Variants in AP4S1 observed in about 807,000 individuals in gnomAD.
The protein encoded by AP4S1 is adaptor related protein complex 4 subunit sigma 1, also known as AP-4 complex subunit sigma-1.
Under a neutral mutation model 19.8 loss-of-function variants are expected in AP4S1, and 23 were observed. That is an observed-to-expected ratio of 1.16 (90% CI 0.84 to 1.65). AP4S1 has a LOEUF of 1.65. Ranked by LOEUF, AP4S1 falls within the 40% of genes most tolerant of loss-of-function variation. AP4S1 has a pLI of 0.00. For missense variants in AP4S1, 166 were observed against 172.8 expected, an observed-to-expected ratio of 0.96 and a Z score of 0.22; for synonymous variants, 46 against 54.1, an observed-to-expected ratio of 0.85 and a Z score of 0.66.
intron 4 of AP4S1, among the ~76,000 whole-genome samples, chr14:31,076,575 A>G (rs906345637): frequency 9.2e-5 from 14 of 152,208 alleles, no homozygotes; most frequent in Non-Finnish European, 1.9e-4. Context: ...CCCTTATCAG[A>G]TATATGATTT....
At chr14:31,050,790 C>T (rs1045127406) in intron 1 of AP4S1, among the ~76,000 whole-genome samples, 2 of 152,048 alleles carry the variant, frequency 1.3e-5, no homozygotes, top group African/African-American at 4.8e-5. Flanking sequence ...TTCATTAGTC[C>T]GTTTTCTATT....
intron 1 of AP4S1, among the ~76,000 whole-genome samples, chr14:31,064,940 C>G (rs1207905053): frequency 6.6e-6 from 1 of 152,082 alleles, no homozygotes; most frequent in East Asian, 1.9e-4. Context: ...GGTGACAGAG[C>G]GAGGCCCTAT....
intron 1 of AP4S1, among the ~76,000 whole-genome samples, chr14:31,048,596 G>A (rs969149303): frequency 6.6e-6 from 1 of 151,952 alleles, no homozygotes; most frequent in Admixed American, 6.6e-5. Flanking sequence ...AAAATTAGCT[G>A]GGCGTGGTGG....
At chr14:31,073,483 C>T (rs986351413) in intron 4 of AP4S1, among the ~76,000 whole-genome samples, 2 of 149,138 alleles carry the variant, frequency 1.3e-5, no homozygotes, top group Non-Finnish European at 3.0e-5. Flanking sequence ...GAGCGAGACT[C>T]CGTCTCAGAA....
In AP4S1 at chr14:31,091,933, A is replaced by G. The variant is rs182286791; in HGVS notation, c.307-974A>G. Among the ~76,000 whole-genome samples, 46 of 152,342 alleles carry G rather than the reference A, an allele frequency of 3.0e-4. No individual in the cohort carries two copies. The East Asian group carries it at 8.3e-3, about 27-fold the overall frequency. On this transcript the variant is annotated intron_variant, in intron 5 of 5. Transcript: ENST00000542754. The stretch of plus-strand genomic sequence containing the variant: ...TAAGGTGTAAAACTGAGAAACATTC[A>G]TTGTCATCATCTCATTCCAGTTCCC...
At chr14:31,059,018 G>A (rs1445218970) in intron 1 of AP4S1, among the ~76,000 whole-genome samples, 1 of 152,114 alleles carries the variant, frequency 6.6e-6, no homozygotes, top group African/African-American at 2.4e-5. Flanking sequence ...CCTCCTTGAT[G>A]ATTAATAACC....
chr14:31,029,592 A>G (rs1884262078), intron 1 of AP4S1, among the ~76,000 whole-genome samples: 1 of 152,154 alleles, frequency 6.6e-6, no homozygotes, highest in Non-Finnish European at 1.5e-5. Context: ...CAGAGGTGAG[A>G]GGATGGCTTA....
chr14:31,025,631 A>ACCCCCGCC, upstream of AP4S1: 1 of 510,576 alleles, frequency 2.0e-6, no homozygotes. Flanking sequence ...CCTCCGGAGG[A>ACCCCCGCC]GCCCCCGCAG....
At chr14:31,040,236 C>T (rs1885034016) in intron 1 of AP4S1, among the ~76,000 whole-genome samples, 1 of 150,124 alleles carries the variant, frequency 6.7e-6, no homozygotes, top group Admixed American at 6.7e-5. Flanking sequence ...GCTGCAACCT[C>T]AACCTCCCAA....
chr14:31,052,429 A>C (rs768446178), intron 1 of AP4S1, among the ~76,000 whole-genome samples: 33 of 152,082 alleles, frequency 2.2e-4, no homozygotes, highest in Admixed American at 1.2e-3. Flanking sequence ...CTTGAGTTAA[A>C]AGGTAAAATC....
At chr14:31,063,758 C>G (rs1555332644) in intron 1 of AP4S1, among the ~76,000 whole-genome samples, 1 of 152,148 alleles carries the variant, frequency 6.6e-6, no homozygotes, top group Non-Finnish European at 1.5e-5. Context: ...TCGATGAACT[C>G]TAAATAAAGT....
At chr14:31,075,801 G>A (rs113037823) in intron 4 of AP4S1, among the ~76,000 whole-genome samples, 2,114 of 149,756 alleles carry the variant, frequency 0.014, 53 homozygotes, top group African/African-American at 0.049. Flanking sequence ...GTGCAATGGC[G>A]TGCTCTCAGC....
At chr14:31,049,428 A>AAAAAAAAATATATATATAT (rs1384450221) in intron 1 of AP4S1, among the ~76,000 whole-genome samples, 5 of 57,740 alleles carry the variant, frequency 8.7e-5, no homozygotes, top group Non-Finnish European at 1.5e-4. Flanking sequence ...AAAAAAAAAA[A>AAAAAAAAATATATATATAT]ATATATATAT....
chr14:31,074,997 A>G (rs1443309426), intron 4 of AP4S1, among the ~76,000 whole-genome samples: 2 of 152,216 alleles, frequency 1.3e-5, no homozygotes, highest in East Asian at 1.9e-4. Flanking sequence ...TAGGATCTCT[A>G]TCACCTTAAA....
At chr14:31,061,683 A>G (rs1010028331) in intron 1 of AP4S1, among the ~76,000 whole-genome samples, 26 of 151,606 alleles carry the variant, frequency 1.7e-4, no homozygotes, top group Non-Finnish European at 3.7e-4. Context: ...TCGCTCTGTC[A>G]CCAGGCTGGA....
chr14:31,042,068 T>C (rs1328199357), intron 1 of AP4S1, among the ~76,000 whole-genome samples: 1 of 152,124 alleles, frequency 6.6e-6, no homozygotes, highest in East Asian at 1.9e-4. Context: ...TGACCTCAGG[T>C]GATCCACATG....
chr14:31,072,913 G>T lies in AP4S1; in HGVS notation c.234G>T (p.Met78Ile). The T allele has an allele frequency of 3.1e-6, 5 of 1,612,872 alleles. No homozygotes were observed. Among genetic ancestry groups the T allele is most frequent in the Non-Finnish European group, 3.4e-6 (4 of 1,178,980 alleles). Residue 78 changes from methionine to isoleucine, a missense_variant, in exon 4 of 6, where the codon ATG (methionine) becomes ATT (isoleucine). Coordinates refer to ENST00000542754, the MANE Select transcript of AP4S1 (RefSeq NM_001128126.3). ...TTCTTCTTTTATTGTAGAACGAGATGGCTATTTATGAATTCATTCATAACT... is the reference window on the plus strand; with the variant it reads ...TTCTTCTTTTATTGTAGAACGAGATTGCTATTTATGAATTCATTCATAACT... ...VVGVNDTENEMAIYEFIHNFV... is the reference protein window; with the variant it reads ...VVGVNDTENEIAIYEFIHNFV...
At position 31,037,238 on chromosome 14, in the gene AP4S1, T is replaced by C. The variant is rs558921183; in HGVS notation, c.-72+11451T>C. Among the ~76,000 whole-genome samples, 10 of 151,480 alleles carry C rather than the reference T, an allele frequency of 6.6e-5. No individual in the cohort carries two copies. The East Asian group carries it at 2.0e-3, about 30-fold the overall frequency. Reference sequence around the variant, plus strand: ...CCCACCCTGTATCTTCCTCCTGTTCTTGTTGCTACCTTAGTTTGGCCCCAC... The same window carrying C: ...CCCACCCTGTATCTTCCTCCTGTTCCTGTTGCTACCTTAGTTTGGCCCCAC... On this transcript the variant is annotated intron_variant, in intron 1 of 5. Coordinates refer to ENST00000542754, the MANE Select transcript of AP4S1 (RefSeq NM_001128126.3).
chr14:31,080,840 G>T (rs1887600843), intron 5 of AP4S1, among the ~76,000 whole-genome samples: 1 of 152,056 alleles, frequency 6.6e-6, no homozygotes, highest in South Asian at 2.1e-4. Flanking sequence ...GGAGTGCAAT[G>T]GTGTAATCTC....
Sources: allele counts gnomAD v4.1 joint callset (sites outside exome capture counted in the v4.1 genomes callset), GRCh38; gene constraint gnomAD v4.1.1; transcripts MANE v1.5; gene names NCBI Gene and HGNC (gene_info 2026-07-23, HGNC 2026-07-21).